ARMC9: variants seen among roughly 807,000 people sequenced by gnomAD.
ARMC9 encodes the protein armadillo repeat containing 9.
ARMC9 carries 94 observed loss-of-function variants against 107.0 expected under a neutral mutation model. The ratio of observed to expected loss-of-function variants is 0.88; its 90% CI spans 0.74 to 1.04. The LOEUF (loss-of-function observed/expected upper bound fraction) is 1.04, where lower values mean the gene tolerates loss of function less well. ARMC9 is among the 50% of genes least tolerant of loss of function. The probability of loss-of-function intolerance (pLI) is 0.00; values close to 1 mark genes in which losing one functional copy is unlikely to be tolerated. For missense variants in ARMC9, 942 were observed against 1,030.1 expected, an observed-to-expected ratio of 0.91 and a Z score of 1.17; for synonymous variants, 380 against 396.9, an observed-to-expected ratio of 0.96 and a Z score of 0.51.
intron 9 of ARMC9, chr2:231,256,316 C>T: frequency 1.3e-6 from 2 of 1,551,498 alleles, no homozygotes; most frequent in South Asian, 1.2e-5. Context: ...AGCTTGCTTG[C>T]TCGCTGGGTC....
chr2:231,216,590 C>T, intron 4 of ARMC9, 48 bp from the exon 5 acceptor site: 1 of 1,580,688 alleles, frequency 6.3e-7, no homozygotes, highest in Non-Finnish European at 8.6e-7. Flanking sequence ...AGCAGATAGA[C>T]TGGGCATTGA....
At chr2:231,206,532 T>G (rs2032020760) in intron 2 of ARMC9, among the ~76,000 whole-genome samples, 1 of 152,212 alleles carries the variant, frequency 6.6e-6, no homozygotes, top group South Asian at 2.1e-4. Flanking sequence ...GGTAAAAGAT[T>G]CAAGCACTAC....
At chr2:231,334,317 C>T (rs781449378) in intron 20 of ARMC9, among the ~76,000 whole-genome samples, 1 of 152,248 alleles carries the variant, frequency 6.6e-6, no homozygotes, top group Non-Finnish European at 1.5e-5. Context: ...CCTTAGGGCT[C>T]AGCTCCCCCG....
At chr2:231,211,823 G>C (rs2032904376) in intron 3 of ARMC9, among the ~76,000 whole-genome samples, 1 of 151,916 alleles carries the variant, frequency 6.6e-6, no homozygotes. Context: ...GTGATATCTT[G>C]TCATAGTTTT....
chr2:231,355,731 TCGG>T lies in ARMC9; in HGVS notation c.1995-65_1995-63del, dbSNP rs1559500597. The T allele has an allele frequency of 6.9e-6, 9 of 1,305,924 alleles. No individual in the cohort carries two copies. The African/African-American group carries it at 3.3e-4, about 48-fold the overall frequency. 80.9% of individuals were successfully genotyped at this position (1,305,924 alleles called of 1,614,324 possible). On this transcript the variant is annotated intron_variant, in intron 21 of 24. Transcript: ENST00000611582. Reference sequence around the variant, plus strand: ...CCCTCCTGTATTTGTGATGCTGCAGTCGGCAGTCGGCAGTCCGAATCTCCTGGC... The same window carrying T: ...CCCTCCTGTATTTGTGATGCTGCAGTCAGTCGGCAGTCCGAATCTCCTGGC...
At chr2:231,239,352 G>A (rs971130091) in intron 8 of ARMC9, among the ~76,000 whole-genome samples, 3 of 152,144 alleles carry the variant, frequency 2.0e-5, no homozygotes, top group East Asian at 1.9e-4. Context: ...CGTTGATGGC[G>A]ACAGCAGCTC....
In ARMC9 at chr2:231,364,134, C is replaced by T. The variant is rs144421703; in HGVS notation, c.2261+3251C>T. ...AGACCACAGAGGCTGAGTTGCACCCCGGAATGTGCAGGAAGGTGATGGCAG... is the reference window on the plus strand; with the variant it reads ...AGACCACAGAGGCTGAGTTGCACCCTGGAATGTGCAGGAAGGTGATGGCAG... On this transcript the variant is annotated intron_variant, in intron 23 of 24. Transcript: ENST00000611582. Among the ~76,000 whole-genome samples the T allele has an allele frequency of 2.6e-4, 39 of 152,334 alleles. No individual in the cohort carries two copies. In the East Asian group the frequency reaches 7.3e-3, roughly 29 times the overall value.
chr2:231,281,921 C>G, intron 16 of ARMC9, 138 bp from the exon 17 acceptor site: 1 of 757,558 alleles, frequency 1.3e-6, no homozygotes, highest in Non-Finnish European at 2.2e-6. Context: ...AACATACATC[C>G]TGGAGCACAG....
intron 18 of ARMC9, 197 bp from the exon 19 acceptor site, chr2:231,296,001 A>T (rs1040987576): frequency 5.0e-6 from 2 of 402,268 alleles, no homozygotes; most frequent in South Asian, 2.0e-4. Flanking sequence ...AAATGGAGAG[A>T]TTTACTATTT....
chr2:231,324,343 G>T (rs1301195767), intron 19 of ARMC9, among the ~76,000 whole-genome samples: 2 of 151,114 alleles, frequency 1.3e-5, no homozygotes, highest in Admixed American at 6.6e-5. Flanking sequence ...GGCCAGGCTG[G>T]TCTTGAACGC....
At chr2:231,323,721 G>C (rs114755347) in intron 19 of ARMC9, among the ~76,000 whole-genome samples, 1 of 152,306 alleles carries the variant, frequency 6.6e-6, no homozygotes, top group Non-Finnish European at 1.5e-5. Flanking sequence ...GCAGCCAAGT[G>C]ATCCCATTTA....
intron 17 of ARMC9, among the ~76,000 whole-genome samples, chr2:231,285,513 G>A (rs747859176): frequency 6.6e-6 from 1 of 151,690 alleles, no homozygotes; most frequent in African/African-American, 2.4e-5. Flanking sequence ...AGGTGTGGTG[G>A]TGGGCGCCGA....
intron 1 of ARMC9, among the ~76,000 whole-genome samples, chr2:231,201,991 T>G (rs2006780): frequency 0.32 from 47,673 of 148,414 alleles, 8,635 homozygotes; most frequent in African/African-American, 0.5. Flanking sequence ...CGATGACCTT[T>G]TTTCTTTCTT....
intron 21 of ARMC9, among the ~76,000 whole-genome samples, chr2:231,352,070 C>T (rs1382594890): frequency 6.6e-6 from 1 of 152,054 alleles, no homozygotes; most frequent in African/African-American, 2.4e-5. Context: ...GGGCTCAAAC[C>T]ATCCTCCCAC....
chr2:231,227,416 C>T (rs2034753140), intron 7 of ARMC9, among the ~76,000 whole-genome samples: 1 of 152,208 alleles, frequency 6.6e-6, no homozygotes, highest in Non-Finnish European at 1.5e-5. Flanking sequence ...TTGACAGCTG[C>T]TTAAATGATG....
intron 19 of ARMC9, among the ~76,000 whole-genome samples, chr2:231,324,311 A>G (rs535513185): frequency 2.6e-5 from 4 of 151,312 alleles, no homozygotes; most frequent in African/African-American, 9.7e-5. Flanking sequence ...TATTTTTAGT[A>G]AAGACGGGGT....
chr2:231,287,932 G>A (rs2040717988), intron 17 of ARMC9, among the ~76,000 whole-genome samples: 1 of 152,210 alleles, frequency 6.6e-6, no homozygotes, highest in African/African-American at 2.4e-5. Context: ...ACTAAGAACA[G>A]AGGCCGGAAG....
chr2:231,344,295 G>A (rs778120012), intron 20 of ARMC9, among the ~76,000 whole-genome samples: 8 of 152,214 alleles, frequency 5.3e-5, no homozygotes, highest in Non-Finnish European at 1.0e-4. Context: ...ACTATTGGGA[G>A]CAGTGGACGG....
chr2:231,226,803 A>G lies in ARMC9; in HGVS notation c.622+5A>G. 6.2e-7 allele frequency: 1 copy of G among 1,613,218 alleles called. No individual in the cohort carries two copies. Among genetic ancestry groups the G allele is most frequent in the Non-Finnish European group, 8.5e-7 (1 of 1,179,206 alleles). ...AGAATGGACAAAGTAACAAAGGTAA[A>G]TCATCTAGATTTAAATTTGTCTAAG... On this transcript the variant is annotated splice_donor_5th_base_variant and intron_variant, in intron 7 of 24. Transcript: ENST00000611582.
Sources: allele counts gnomAD v4.1 joint callset (sites outside exome capture counted in the v4.1 genomes callset), GRCh38; gene constraint gnomAD v4.1.1; transcripts MANE v1.5; gene names NCBI Gene and HGNC (gene_info 2026-07-23, HGNC 2026-07-21).